USP25: variants seen among roughly 807,000 people sequenced by gnomAD.
USP25 encodes ubiquitin carboxyl-terminal hydrolase 25.
In USP25, 85 loss-of-function variants were observed where a neutral mutation model predicts 158.5. The observed-to-expected ratio is 0.54, with a 90% CI of 0.45 to 0.64. The LOEUF is 0.64. Ranked by LOEUF, USP25 falls within the 30% of genes least tolerant of loss-of-function variation. The pLI is 0.00. For missense variants in USP25, 1,242 were observed against 1,327.3 expected (o/e 0.94, Z 1.00); for synonymous variants, 464 against 460.4 (o/e 1.01, Z -0.10).
chr21:15,862,833 A>ATATG (rs2039488872), intron 20 of USP25, among the ~76,000 whole-genome samples: 1 of 148,990 alleles, frequency 6.7e-6, no homozygotes, highest in African/African-American at 2.5e-5. Flanking sequence ...TATGCTGCAT[A>ATATG]GAAAGAACAT....
intron 7 of USP25, among the ~76,000 whole-genome samples, chr21:15,805,914 T>G (rs1470584108): frequency 1.3e-5 from 2 of 152,314 alleles, no homozygotes; most frequent in African/African-American, 2.4e-5. Flanking sequence ...GCAGCGTTGT[T>G]TTTTAAAGTA....
chr21:15,786,840 A>G (rs1342867722), intron 4 of USP25, among the ~76,000 whole-genome samples: 1 of 151,114 alleles, frequency 6.6e-6, no homozygotes, highest in African/African-American at 2.5e-5. Flanking sequence ...CTCTGTTTCC[A>G]GATGATATGA....
At chr21:15,847,169 C>G (rs2038661071) in intron 18 of USP25, among the ~76,000 whole-genome samples, 1 of 152,106 alleles carries the variant, frequency 6.6e-6, no homozygotes, top group African/African-American at 2.4e-5. Flanking sequence ...CCTACAAATT[C>G]TGATGAGTTT....
intron 1 of USP25, among the ~76,000 whole-genome samples, chr21:15,739,878 T>C (rs2031875768): frequency 1.3e-5 from 2 of 152,230 alleles, no homozygotes; most frequent in Admixed American, 1.3e-4. Context: ...TGGCAGACTT[T>C]AATTAATTTC....
At chr21:15,839,421 A>T (rs2038220013) in intron 17 of USP25, among the ~76,000 whole-genome samples, 2 of 152,210 alleles carry the variant, frequency 1.3e-5, no homozygotes, top group Non-Finnish European at 2.9e-5. Flanking sequence ...AGAAATTACT[A>T]AAGTGTATGG....
chr21:15,772,627 T>C (rs1015393458), intron 3 of USP25, among the ~76,000 whole-genome samples: 4 of 152,240 alleles, frequency 2.6e-5, no homozygotes, highest in African/African-American at 7.2e-5. Context: ...GCCAAAGTTA[T>C]TCTGTTTCTT....
intron 11 of USP25, among the ~76,000 whole-genome samples, chr21:15,824,619 CCTT>C (rs1346374556): frequency 6.6e-6 from 1 of 151,456 alleles, no homozygotes; most frequent in African/African-American, 2.4e-5. Flanking sequence ...TTCTGTCTTT[CCTT>C]CTTTTTTGTT....
chr21:15,743,762 C>T (rs569957817), intron 1 of USP25, among the ~76,000 whole-genome samples: 29 of 151,970 alleles, frequency 1.9e-4, no homozygotes, highest in Non-Finnish European at 3.7e-4. Context: ...AGGAGTTGGT[C>T]TACTGTGGCG....
chr21:15,800,114 A>G (rs2036059620), intron 6 of USP25, among the ~76,000 whole-genome samples: 1 of 151,274 alleles, frequency 6.6e-6, no homozygotes, highest in Admixed American at 6.6e-5. Context: ...AGTAAACTTT[A>G]TAGGCTATAG....
At chr21:15,771,318 G>C (rs980007549) in intron 3 of USP25, among the ~76,000 whole-genome samples, 8 of 152,052 alleles carry the variant, frequency 5.3e-5, no homozygotes, top group Admixed American at 3.9e-4. Flanking sequence ...GCTCATATTT[G>C]AGGAACAGTA....
intron 1 of USP25, among the ~76,000 whole-genome samples, chr21:15,752,141 C>G (rs1300797424): frequency 1.3e-5 from 2 of 152,094 alleles, no homozygotes; most frequent in African/African-American, 2.4e-5. Flanking sequence ...CCATGTTGGT[C>G]AGGATGGTCT....
chr21:15,754,425 A>G (rs1466522237), intron 1 of USP25, among the ~76,000 whole-genome samples: 1 of 152,234 alleles, frequency 6.6e-6, no homozygotes, highest in East Asian at 1.9e-4. Context: ...GGTCTCATTG[A>G]TAACTTTGAA....
chr21:15,811,088 T>A, intron 8 of USP25, 49 bp from the exon 9 acceptor site: 1 of 1,507,076 alleles, frequency 6.6e-7, no homozygotes, highest in Non-Finnish European at 9.1e-7. Flanking sequence ...TTTCTCTATT[T>A]ATAGGTCCGA....
intron 1 of USP25, among the ~76,000 whole-genome samples, chr21:15,733,971 G>T (rs1192696117): frequency 2.0e-5 from 3 of 152,200 alleles, no homozygotes; most frequent in African/African-American, 7.2e-5. Flanking sequence ...GTCACCTTGG[G>T]CAAGTCATTA....
At chr21:15,870,036 T>C (rs772398092) in intron 22 of USP25, 32 bp from the exon 23 acceptor site, 1 of 1,522,008 alleles carries the variant, frequency 6.6e-7, no homozygotes, top group Non-Finnish European at 9.0e-7. Flanking sequence ...AATCTTACTC[T>C]GAACATTTTT....
rs2038913811 is a variant in USP25 at position 15,852,057 on chromosome 21, A to C, written c.2547+2185A>C. Reference sequence around the variant, plus strand: ...TGTTATATTGCAACTCTCAGCACATAATCTAAATAAATACTGTGGTTAATA... The same window carrying C: ...TGTTATATTGCAACTCTCAGCACATCATCTAAATAAATACTGTGGTTAATA... On this transcript the variant is annotated intron_variant, in intron 20 of 25. Coordinates refer to ENST00000400183, the MANE Select transcript of USP25 (RefSeq NM_001283041.3). 3.9e-5 allele frequency among the ~76,000 whole-genome samples: 6 copies of C among 152,166 alleles called. No homozygotes were observed. The South Asian group carries it at 1.2e-3, about 31-fold the overall frequency.
At chr21:15,758,807 CA>C (rs994151246) in intron 1 of USP25, among the ~76,000 whole-genome samples, 3 of 142,308 alleles carry the variant, frequency 2.1e-5, no homozygotes, top group Non-Finnish European at 4.5e-5. Context: ...ACAAAACCAT[CA>C]GATCTCATAA....
chr21:15,878,574 C>G lies in USP25; in HGVS notation c.*99C>G. 1 of 1,319,792 alleles carries G rather than the reference C, an allele frequency of 7.6e-7. No homozygotes were observed. Among genetic ancestry groups the G allele is most frequent in the Non-Finnish European group, 1.0e-6 (1 of 993,788 alleles). 81.8% of individuals were successfully genotyped at this position (1,319,792 alleles called of 1,614,324 possible). A position where few individuals can be genotyped will look rare whatever the true frequency, so the allele number is the denominator to read the frequency against. Reference sequence around the variant, plus strand: ...TGCTTGTTGCTGCTATAGTTTTTAACTTTTTTTTATTTTAATAACTGCAAA... The same window carrying G: ...TGCTTGTTGCTGCTATAGTTTTTAAGTTTTTTTTATTTTAATAACTGCAAA... On this transcript the variant is annotated 3_prime_UTR_variant, in exon 26 of 26. Transcript: ENST00000400183.
chr21:15,759,392 A>G (rs1568768454), intron 1 of USP25, among the ~76,000 whole-genome samples: 2 of 152,200 alleles, frequency 1.3e-5, no homozygotes, highest in Non-Finnish European at 2.9e-5. Context: ...ATGTCCTGAC[A>G]ACATGTGTCT....
Sources: allele counts gnomAD v4.1 joint callset (sites outside exome capture counted in the v4.1 genomes callset), GRCh38; gene constraint gnomAD v4.1.1; transcripts MANE v1.5; gene names NCBI Gene and HGNC (gene_info 2026-07-23, HGNC 2026-07-21).